SEC31A: variants seen among roughly 807,000 people sequenced by gnomAD.
SEC31A encodes SEC31 homolog A, COPII component.
SEC31A carries 70 observed loss-of-function variants against 151.0 expected under a neutral mutation model. That is an observed-to-expected ratio of 0.46 (90% CI 0.38 to 0.57). The LOEUF is 0.57. Ranked by LOEUF, SEC31A falls within the 20% of genes least tolerant of loss-of-function variation. The probability of loss-of-function intolerance (pLI) is 0.00; values close to 1 mark genes in which losing one functional copy is unlikely to be tolerated. For synonymous variants in SEC31A, 475 were observed against 505.9 expected, an observed-to-expected ratio of 0.94 and a Z score of 0.82; for missense variants, 1,330 against 1,471.2, an observed-to-expected ratio of 0.90 and a Z score of 1.57.
At chr4:82,848,037 T>G (rs1336311797) in intron 20 of SEC31A, among the ~76,000 whole-genome samples, 2 of 152,180 alleles carry the variant, frequency 1.3e-5, no homozygotes, top group East Asian at 3.8e-4. Context: ...ATTTGTTCTA[T>G]TTTAAAATAG....
chr4:82,819,237 G>A lies in SEC31A; in HGVS notation c.3500C>T (p.Thr1167Ile). 1 of 1,576,188 alleles carries A rather than the reference G, an allele frequency of 6.3e-7. No individual in the cohort carries two copies. The highest frequency in any genetic ancestry group is 1.7e-4 in the Middle Eastern group (1 of 5,758). ...CCTTGCAATGTTGTGTAAACCACTG[G>A]TGATTGTTGGTGAAAGCTGAAACAA... ...LREQTLSPTI[T>I]SGLHNIARSI... The change falls in exon 27 of 27, where the codon ACC becomes ATC. Residue 1167 changes from threonine (T) to isoleucine (I), a missense_variant. Transcript: ENST00000395310.
Position 82,819,141 on chromosome 4 carries a change from C to A in SEC31A, c.3596G>T (p.Ser1199Ile), listed in dbSNP as rs758993793. 1 of 1,611,976 alleles carries A rather than the reference C, an allele frequency of 6.2e-7. No homozygotes were observed. ...AACTGGCATGAAAGCAGAGGTCTCA[C>A]TGAAGTTGCTGGTGCTAACTATGTG... ...HTHIVSTSNF[S>I]ETSAFMPVLK... Residue 1199 changes from serine to isoleucine, a missense_variant, in exon 27 of 27, where the codon AGT (serine) becomes ATT (isoleucine). Physicochemically the swap from Ser to Ile is moderately radical, Grantham distance 142. Coordinates refer to ENST00000395310, the MANE Select transcript of SEC31A (RefSeq NM_001077207.4).
chr4:82,867,111 T>C (rs965740763), intron 9 of SEC31A, 44 bp downstream of exon 9: 1 of 1,574,868 alleles, frequency 6.3e-7, no homozygotes, highest in Non-Finnish European at 8.7e-7. Flanking sequence ...CAACACATAC[T>C]TTTTTCAGGC....
rs187864147 is a variant in SEC31A at position 82,883,713 on chromosome 4, C to T, written c.-4-1773G>A. Among the ~76,000 whole-genome samples, 37 of 151,860 alleles carry T rather than the reference C, an allele frequency of 2.4e-4. No individual in the cohort carries two copies. In the East Asian group the frequency reaches 4.9e-3, roughly 20 times the overall value. On this transcript the variant is annotated intron_variant, in intron 1 of 26. Transcript: ENST00000395310. ...GCATGGTGGTGCACGCCTGTAGTCCCAGCTACTCGGGAGGTTGAGGAGGAA... is the reference window on the plus strand; with the variant it reads ...GCATGGTGGTGCACGCCTGTAGTCCTAGCTACTCGGGAGGTTGAGGAGGAA...
chr4:82,857,216 T>C (rs778148138), intron 15 of SEC31A, 86 bp from the exon 16 acceptor site: 1 of 1,129,212 alleles, frequency 8.9e-7, no homozygotes, highest in Non-Finnish European at 1.3e-6. Flanking sequence ...TCAATTTTTA[T>C]ATATATACAT....
In SEC31A at chr4:82,827,354, C is replaced by T. The variant is rs760474672; in HGVS notation, c.3291+15G>A. On this transcript the variant is annotated intron_variant, in intron 24 of 26. Coordinates refer to ENST00000395310, the MANE Select transcript of SEC31A (RefSeq NM_001077207.4). ...CAGCCATCTTCCCATTCCACTTCTA[C>T]AAATTTACTGTTACCTGGAAGGTAT... is the stretch of plus-strand genomic sequence containing the variant. The T allele has an allele frequency of 1.2e-6, 2 of 1,608,846 alleles. No homozygotes were observed. Among genetic ancestry groups the T allele is most frequent in the Non-Finnish European group, 1.7e-6 (2 of 1,176,178 alleles).
intron 14 of SEC31A, among the ~76,000 whole-genome samples, chr4:82,859,625 T>C (rs1391424841): frequency 6.6e-6 from 1 of 152,114 alleles, no homozygotes; most frequent in Non-Finnish European, 1.5e-5. Flanking sequence ...TTATTAATGT[T>C]GACTATTACA....
At chr4:82,821,349 C>T (rs1018621122) in intron 25 of SEC31A, 1 of 375,338 alleles carries the variant, frequency 2.7e-6, no homozygotes, top group African/African-American at 2.1e-5. Flanking sequence ...GAGTTTGAGA[C>T]CAGCCTGGTC....
intron 7 of SEC31A, among the ~76,000 whole-genome samples, chr4:82,871,012 G>A (rs1402767560): frequency 6.6e-6 from 1 of 152,088 alleles, no homozygotes; most frequent in East Asian, 1.9e-4. Flanking sequence ...ACGACACTCT[G>A]TCTCTACCAA....
At chr4:82,828,494 A>C (rs1026070379) in intron 23 of SEC31A, among the ~76,000 whole-genome samples, 2 of 152,016 alleles carry the variant, frequency 1.3e-5, no homozygotes, top group Non-Finnish European at 2.9e-5. Flanking sequence ...TTAAAAGTAA[A>C]AATGGCTTGG....
chr4:82,872,201 A>ATTTTG (rs59285664), intron 6 of SEC31A, 115 bp from the exon 7 acceptor site: 595,889 of 790,750 alleles, frequency 0.75, 226,945 homozygotes, highest in Admixed American at 0.81. Context: ...GCTGTGGCTT[A>ATTTTG]TTTTATTTAT....
chr4:82,871,427 T>C (rs1256525608), intron 7 of SEC31A: 1 of 1,502,140 alleles, frequency 6.7e-7, no homozygotes, highest in East Asian at 2.5e-5. Flanking sequence ...GAACTGTGAC[T>C]TTAAGCAAAA....
intron 4 of SEC31A, 41 bp downstream of exon 4, chr4:82,878,689 C>G: frequency 6.6e-7 from 1 of 1,513,380 alleles, no homozygotes; most frequent in Non-Finnish European, 9.2e-7. Context: ...TTCAAATGAG[C>G]AGCACATAGT....
intron 2 of SEC31A, 40 bp from the exon 3 acceptor site, chr4:82,880,962 T>G: frequency 1.3e-6 from 2 of 1,534,918 alleles, no homozygotes; most frequent in South Asian, 1.2e-5. Flanking sequence ...CACACAAAAA[T>G]AAAAGATCAG....
intron 20 of SEC31A, among the ~76,000 whole-genome samples, chr4:82,845,899 C>T (rs1208532255): frequency 6.6e-6 from 1 of 152,116 alleles, no homozygotes; most frequent in Admixed American, 6.6e-5. Context: ...GTGAAGGGAC[C>T]GTACAACTCA....
chr4:82,891,303 A>G (rs768640891), upstream of SEC31A: 6 of 959,390 alleles, frequency 6.3e-6, no homozygotes, highest in African/African-American at 1.6e-5. Flanking sequence ...CACTTCCGGG[A>G]CCGGCGGTAG....
intron 20 of SEC31A, chr4:82,845,202 T>C (rs756070595): frequency 1.6e-5 from 24 of 1,520,128 alleles, no homozygotes; most frequent in African/African-American, 2.8e-5. Context: ...AGGATATACC[T>C]GTGTGTCAGA....
Position 82,878,833 on chromosome 4 carries a change from A to C in SEC31A, c.299T>G (p.Leu100Arg). The change falls in exon 4 of 27, where the codon CTC becomes CGC. Residue 100 changes from leucine to arginine, a missense_variant. Coordinates refer to ENST00000395310, the MANE Select transcript of SEC31A (RefSeq NM_001077207.4). ...AGCTATAATTTTAGAAGGATCATAG[A>C]GAATAATATTTCCATTTTCACCACC... ...IAGGENGNII[L>R]YDPSKIIAGD... The C allele has an allele frequency of 6.2e-7, 1 of 1,613,948 alleles. No individual in the cohort carries two copies. The highest frequency in any genetic ancestry group is 8.5e-7 in the Non-Finnish European group (1 of 1,179,806).
Position 82,851,418 on chromosome 4 carries a change from C to A in SEC31A, c.2328+13G>T. The A allele has an allele frequency of 6.2e-7, 1 of 1,602,828 alleles. No individual in the cohort carries two copies. Among genetic ancestry groups the A allele is most frequent in the South Asian group, 1.1e-5 (1 of 89,798 alleles). ...CTTACTCAAACATTACAAAAATGGT[C>A]AATTCTAATTACCTGGTTGGTGTTG... On this transcript the variant is annotated intron_variant, in intron 19 of 26. Coordinates refer to ENST00000395310, the MANE Select transcript of SEC31A (RefSeq NM_001077207.4).
Sources: allele counts gnomAD v4.1 joint callset (sites outside exome capture counted in the v4.1 genomes callset), GRCh38; gene constraint gnomAD v4.1.1; transcripts MANE v1.5; gene names NCBI Gene and HGNC (gene_info 2026-07-23, HGNC 2026-07-21).